The following SSPN variants were observed in gnomAD, a reference collection of about 807,000 sequenced individuals.
The protein encoded by SSPN is K-ras oncogene-associated protein.
In SSPN, 15 loss-of-function variants were observed where a neutral mutation model predicts 19.1. That is an observed-to-expected ratio of 0.78 (90% CI 0.52 to 1.21). SSPN has a LOEUF of 1.21. Ranked by LOEUF, SSPN falls within the 50% of genes most tolerant of loss-of-function variation. SSPN has a pLI of 0.00. For missense variants in SSPN, 291 were observed against 314.0 expected, an observed-to-expected ratio of 0.93 and a Z score of 0.55; for synonymous variants, 147 against 140.3, an observed-to-expected ratio of 1.05 and a Z score of -0.34.
intron 1 of SSPN, among the ~76,000 whole-genome samples, chr12:26,176,045 CA>C (rs1397741237): frequency 6.6e-6 from 1 of 152,154 alleles, no homozygotes; most frequent in African/African-American, 2.4e-5. Flanking sequence ...CCATGTTGAC[CA>C]GGCTGGTCTC....
At chr12:26,202,183 A>G (rs770240621) in intron 1 of SSPN, among the ~76,000 whole-genome samples, 1 of 152,214 alleles carries the variant, frequency 6.6e-6, no homozygotes, top group African/African-American at 2.4e-5. Context: ...AGGTCTGTAC[A>G]TGTTCAGTAC....
intron 1 of SSPN, chr12:26,123,550 G>T: frequency 1.0e-6 from 1 of 955,182 alleles, no homozygotes; most frequent in South Asian, 1.3e-5. Flanking sequence ...GATGGGGTGC[G>T]GGTGAGGGAG....
chr12:26,217,083 T>C (rs1756346584), intron 1 of SSPN, among the ~76,000 whole-genome samples: 1 of 149,526 alleles, frequency 6.7e-6, no homozygotes, highest in Non-Finnish European at 1.5e-5. Context: ...CATATGAACT[T>C]TAAAGTAGTT....
intron 1 of SSPN, chr12:26,126,683 C>G (rs946032237): frequency 3.3e-5 from 5 of 152,154 alleles, no homozygotes; most frequent in Non-Finnish European, 5.9e-5. Context: ...CTCCGGAGTC[C>G]TGGGCGGAGA....
At chr12:26,125,098 T>C (rs1944352523) in intron 1 of SSPN, 5 of 367,108 alleles carry the variant, frequency 1.4e-5, no homozygotes, top group South Asian at 1.1e-4. Flanking sequence ...GAACGTACCA[T>C]CCGCGGTCCA....
chr12:26,137,671 TTTTTTTTTTTTG>T (rs1944435846), intron 1 of SSPN, among the ~76,000 whole-genome samples: 1 of 119,298 alleles, frequency 8.4e-6, no homozygotes, highest in African/African-American at 3.5e-5. Flanking sequence ...TTTTTTTTTT[TTTTTTTTTTTTG>T]AGATGGAGTC....
At chr12:26,137,032 G>T (rs545456858) in intron 1 of SSPN, among the ~76,000 whole-genome samples, 1 of 152,248 alleles carries the variant, frequency 6.6e-6, no homozygotes, top group African/African-American at 2.4e-5. Flanking sequence ...CTTTATTTCA[G>T]CCATTCTACT....
chr12:26,132,918 C>T (rs1369642995), intron 1 of SSPN, among the ~76,000 whole-genome samples: 1 of 152,220 alleles, frequency 6.6e-6, no homozygotes, highest in Non-Finnish European at 1.5e-5. Flanking sequence ...CCCCTCAGCC[C>T]TCACCCTGAC....
At chr12:26,214,194 C>T (rs2077567) in intron 1 of SSPN, among the ~76,000 whole-genome samples, 8,579 of 152,252 alleles carry the variant, frequency 0.056, 335 homozygotes, top group Non-Finnish European at 0.088. Flanking sequence ...GACTGAGTCT[C>T]AATGACTAAG....
At chr12:26,196,029 C>G in intron 1 of SSPN, 78 bp downstream of exon 1, 1 of 1,192,572 alleles carries the variant, frequency 8.4e-7, no homozygotes, top group Non-Finnish European at 1.1e-6. Context: ...TGAGACTAAC[C>G]CAGCTGCATG....
intron 1 of SSPN, among the ~76,000 whole-genome samples, chr12:26,144,354 C>T (rs1345821538): frequency 6.6e-6 from 1 of 152,150 alleles, no homozygotes; most frequent in African/African-American, 2.4e-5. Flanking sequence ...ACAAGTGAAT[C>T]GAATGGAGTA....
intron 1 of SSPN, among the ~76,000 whole-genome samples, chr12:26,157,690 A>G (rs1416308671): frequency 6.6e-6 from 1 of 152,222 alleles, no homozygotes; most frequent in East Asian, 1.9e-4. Context: ...TAGACACTTC[A>G]TGGCTATATT....
intron 1 of SSPN, among the ~76,000 whole-genome samples, chr12:26,178,061 C>T (rs890729516): frequency 6.6e-6 from 1 of 152,186 alleles, no homozygotes; most frequent in African/African-American, 2.4e-5. Flanking sequence ...CCGCAAAATA[C>T]AAGGTCATGT....
chr12:26,182,137 G>C (rs1450829000), intron 1 of SSPN, among the ~76,000 whole-genome samples: 1 of 152,192 alleles, frequency 6.6e-6, no homozygotes, highest in Admixed American at 6.5e-5. Context: ...TTTGAGTCCA[G>C]CACTGTCCTC....
Position 26,180,162 on chromosome 12 carries a change from C to T in SSPN, c.-30-44131C>T. ...AAAAGTTGATGAATTTATGTTTCAT[C>T]TTCCATCTCTACTTCTTCTCCTGGA... is the stretch of plus-strand genomic sequence containing the variant. On this transcript the variant is annotated intron_variant, in intron 1 of 2. Transcript: ENST00000538142. The T allele has an allele frequency of 1.3e-5, 2 of 152,290 alleles. 1 individual carries two copies. The allele number at this position is 152,290 out of a possible 1,614,324, so 9.4% of individuals were successfully genotyped here. A position where few individuals can be genotyped will look rare whatever the true frequency, so the allele number is the denominator to read the frequency against.
At chr12:26,161,845 A>G (rs1944591047) in intron 1 of SSPN, among the ~76,000 whole-genome samples, 1 of 152,188 alleles carries the variant, frequency 6.6e-6, no homozygotes, top group African/African-American at 2.4e-5. Flanking sequence ...AATAGGGTTC[A>G]TGGTCCTATG....
chr12:26,140,848 T>C (rs561239226), intron 1 of SSPN, among the ~76,000 whole-genome samples: 7 of 152,334 alleles, frequency 4.6e-5, no homozygotes, highest in Admixed American at 4.6e-4. Context: ...TTTATAGCAA[T>C]GTGAGTACGA....
At position 26,167,722 on chromosome 12, in the gene SSPN, A is replaced by G. The variant is rs183665309; in HGVS notation, c.-31+45570A>G. 1.8e-3 allele frequency among the ~76,000 whole-genome samples: 280 copies of G among 152,304 alleles called. 4 individuals are homozygous for G. The highest frequency in any genetic ancestry group is 9.7e-4 in the Non-Finnish European group (66 of 68,028). On this transcript the variant is annotated intron_variant, in intron 1 of 2. Coordinates refer to the SSPN transcript ENST00000538142. Reference sequence around the variant, plus strand: ...TCCTTCATGTGACTTAGTAACTCATACCTGAGCAAGGTTGAAGTGGGAGTT... The same window carrying G: ...TCCTTCATGTGACTTAGTAACTCATGCCTGAGCAAGGTTGAAGTGGGAGTT...
intron 1 of SSPN, among the ~76,000 whole-genome samples, chr12:26,137,654 A>ATG (rs1269817874): frequency 1.8e-5 from 1 of 55,036 alleles, no homozygotes; most frequent in African/African-American, 9.2e-5. Context: ...ATATATATAT[A>ATG]TATTTTTTTT....
Sources: allele counts gnomAD v4.1 joint callset (sites outside exome capture counted in the v4.1 genomes callset), GRCh38; gene constraint gnomAD v4.1.1; transcripts MANE v1.5; gene names NCBI Gene and HGNC (gene_info 2026-07-23, HGNC 2026-07-21).